The following PLK2 variants were observed in gnomAD, a reference collection of about 807,000 sequenced individuals.
PLK2 encodes the protein polo like kinase 2, also known as serine/threonine-protein kinase PLK2.
A neutral mutation model predicts 78.1 loss-of-function variants in PLK2; 25 were observed. That is an observed-to-expected ratio of 0.32 (90% confidence interval 0.23 to 0.45). The LOEUF (loss-of-function observed/expected upper bound fraction) is 0.45. Ranked by LOEUF, PLK2 falls within the 20% of genes least tolerant of loss-of-function variation. The pLI is 1.00. For synonymous variants in PLK2, 332 were observed against 298.2 expected (o/e 1.11, Z -1.17); for missense variants, 566 against 840.2 (o/e 0.67, Z 4.04).
At position 58,458,189 on chromosome 5, in the gene PLK2, C is replaced by T. The variant is rs748988575; in HGVS notation, c.626-18G>A. 8.5e-6 allele frequency: 13 copies of T among 1,537,950 alleles called. No homozygotes were observed. Among genetic ancestry groups the T allele is most frequent in the African/African-American group, 1.4e-5 (1 of 73,176 alleles). On this transcript the variant is annotated intron_variant, in intron 4 of 13. Transcript: ENST00000274289. ...AAAGTTCCCTAGACGATAAACAAAA[C>T]AAAATGTGAATCCCTTTGAAAATGC...
rs1561216397 is a variant in PLK2, at chr5:58,457,172, T to TGG, written c.1008+8_1008+9insCC. The TGG allele has an allele frequency of 1.2e-6, 2 of 1,611,358 alleles. No individual in the cohort carries two copies. Among genetic ancestry groups the TGG allele is most frequent in the Admixed American group, 3.3e-5 (2 of 59,914 alleles). ...CCAGGTAATTAAAAAAAAAAGATAGTGCACCAACCTGCAAAAAAAAGTCAT... is the reference window on the plus strand; with the variant it reads ...CCAGGTAATTAAAAAAAAAAGATAGTGGGCACCAACCTGCAAAAAAAAGTCAT... On this transcript the variant is annotated intron_variant, in intron 7 of 13. Coordinates refer to ENST00000274289, the MANE Select transcript of PLK2 (RefSeq NM_006622.4).
Position 58,460,055 on chromosome 5 carries a change from G to C in PLK2, c.-96C>G, listed in dbSNP as rs562821682. On this transcript the variant is annotated 5_prime_UTR_variant, in exon 1 of 14. Coordinates refer to ENST00000274289, the MANE Select transcript of PLK2 (RefSeq NM_006622.4). ...TCCTCGCACCCTTGCCTCTGGTGCC[G>C]ACTAGCACCCAACACCCCGGTCCAC... 5.3e-5 allele frequency: 73 copies of C among 1,386,630 alleles called. No homozygotes were observed. In the South Asian group the frequency reaches 7.5e-4, roughly 14 times the overall value. 85.9% of individuals were successfully genotyped at this position (1,386,630 alleles called of 1,614,324 possible).
Position 58,456,604 on chromosome 5 carries a change from A to C in PLK2, c.1157-15T>G, listed in dbSNP as rs372171951. 2.2e-5 allele frequency: 31 copies of C among 1,413,700 alleles called. No individual in the cohort carries two copies. Among genetic ancestry groups the C allele is most frequent in the South Asian group, 3.5e-5 (3 of 85,378 alleles). 87.6% of individuals were successfully genotyped at this position (1,413,700 alleles called of 1,614,324 possible). On this transcript the variant is annotated splice_polypyrimidine_tract_variant and intron_variant, in intron 8 of 13. Coordinates refer to ENST00000274289, the MANE Select transcript of PLK2 (RefSeq NM_006622.4). ...AGACACTCTATCTGTATATCAAGAAACAGAATTACAAACATTAGTCTATCT... is the reference window on the plus strand; with the variant it reads ...AGACACTCTATCTGTATATCAAGAACCAGAATTACAAACATTAGTCTATCT...
chr5:58,454,126 T>A lies in PLK2; in HGVS notation c.*457A>T, dbSNP rs538566581. ...GAATGCACTTTTCCAGCCACAAGTA[T>A]CTTCAAAAATTAATGAAAAAAAATT... On this transcript the variant is annotated 3_prime_UTR_variant, in exon 14 of 14. Transcript: ENST00000274289. The A allele has an allele frequency of 6.5e-6, 1 of 153,484 alleles. No individual in the cohort carries two copies. Among genetic ancestry groups the A allele is most frequent in the South Asian group, 2.1e-4 (1 of 4,838 alleles). 9.5% of individuals were successfully genotyped at this position (153,484 alleles called of 1,614,324 possible).
chr5:58,455,718 A>G lies in PLK2; in HGVS notation c.1446T>C (p.Cys482=). 1 of 1,614,158 alleles carries G rather than the reference A, an allele frequency of 6.2e-7. No homozygotes were observed. Among genetic ancestry groups the G allele is most frequent in the East Asian group, 2.2e-5 (1 of 44,882 alleles). The part of the protein sequence containing the change: ...ADTVARVLRG[C]LENMPEADCI... The stretch of plus-strand genomic sequence containing the variant: ...AATCAGCTTCCGGCATGTTTTCCAG[A>G]CATCCCCGAAGAACCCTTGCCACTG... Residue 482 remains cysteine (C), a synonymous_variant, in exon 11 of 14, where the codon TGT becomes TGC. Transcript: ENST00000274289.
rs754678516 is a variant in PLK2 at position 58,459,917 on chromosome 5, T to C, written c.43A>G (p.Thr15Ala). Residue 15 changes from threonine (T) to alanine (A), a missense_variant, in exon 1 of 14, where the codon ACC (threonine) becomes GCC (alanine). Physicochemically the swap from Thr to Ala is moderately conservative, Grantham distance 58 (BLOSUM62 0). Around this residue, in one of 5 missense-constraint regions of PLK2, gnomAD observed 127 missense variants for 122.5 expected, o/e 1.04. Transcript: ENST00000274289. ...CCCAGCGCCTGCTCGCACATTTTGG[T>C]GCTGGCGGCTGGCTGGTAGGTGATA... Reference protein sequence around the residue: ...RTITYQPAASTKMCEQALGKG... With the variant: ...RTITYQPAASAKMCEQALGKG... The C allele has an allele frequency of 6.2e-7, 1 of 1,611,738 alleles. No homozygotes were observed. Among genetic ancestry groups the C allele is most frequent in the Non-Finnish European group, 8.5e-7 (1 of 1,179,478 alleles).
chr5:58,456,292 T>C, intron 9 of PLK2, 137 bp from the exon 10 acceptor site: 1 of 874,248 alleles, frequency 1.1e-6, no homozygotes, highest in Non-Finnish European at 1.8e-6. Flanking sequence ...AGATAAAAGA[T>C]AACGCAGTAA....
chr5:58,459,815 C>T lies in PLK2; in HGVS notation c.145G>A (p.Ala49Thr), dbSNP rs144564763. ...PEESQPPQSQ[A>T]QVPPAAPHHH... ...TGAGGGGCCGCCGGGGGCACTTGCG[C>T]CTGGGACTGAGGTGGCTGCGATTCC... Residue 49 changes from alanine (A) to threonine (T), a missense_variant, in exon 1 of 14, where the codon GCG becomes ACG. Coordinates refer to ENST00000274289, the MANE Select transcript of PLK2 (RefSeq NM_006622.4). 2 of 1,609,524 alleles carry T rather than the reference C, an allele frequency of 1.2e-6. No individual in the cohort carries two copies. The highest frequency in any genetic ancestry group is 1.7e-5 in the Admixed American group (1 of 59,984).
chr5:58,457,802 G>C, intron 5 of PLK2: 1 of 591,670 alleles, frequency 1.7e-6, no homozygotes, highest in East Asian at 2.8e-5. Context: ...CGTTGTTTTA[G>C]CCCACATGCA....
chr5:58,456,128 C>T lies in PLK2; in HGVS notation c.1282G>A (p.Ala428Thr), dbSNP rs1316474139. The T allele has an allele frequency of 1.2e-6, 2 of 1,613,800 alleles. No homozygotes were observed. The highest frequency in any genetic ancestry group is 1.7e-6 in the Non-Finnish European group (2 of 1,179,960). ...TCTACTGCGGGTGTTCCAGACCTGG[C>T]AACTGTGGTGGTAGGTGGCTGGAGC... Reference protein sequence around the residue: ...EELQPPTTTVARSGTPAVENK... With the variant: ...EELQPPTTTVTRSGTPAVENK... The change falls in exon 10 of 14, where the codon GCC (alanine) becomes ACC (threonine). Residue 428 changes from alanine to threonine, a missense_variant. Around this residue, in one of 5 missense-constraint regions of PLK2, gnomAD observed 129 missense variants for 156.0 expected, o/e 0.83. Coordinates refer to ENST00000274289, the MANE Select transcript of PLK2 (RefSeq NM_006622.4).
Position 58,460,025 on chromosome 5 carries a change from C to A in PLK2, c.-66G>T. Reference sequence around the variant, plus strand: ...GGCGCGGTCACACGTCCGAGCCGGCCGTGGTCCTCGCACCCTTGCCTCTGG... The same window carrying A: ...GGCGCGGTCACACGTCCGAGCCGGCAGTGGTCCTCGCACCCTTGCCTCTGG... On this transcript the variant is annotated 5_prime_UTR_variant, in exon 1 of 14. Transcript: ENST00000274289. 1.3e-6 allele frequency: 2 copies of A among 1,518,890 alleles called. No individual in the cohort carries two copies. The highest frequency in any genetic ancestry group is 8.8e-7 in the Non-Finnish European group (1 of 1,134,292). The allele number at this position is 1,518,890 out of a possible 1,614,324, so 94.1% of individuals were successfully genotyped here. A position where few individuals can be genotyped will look rare whatever the true frequency, so the allele number is the denominator to read the frequency against.
chr5:58,459,822 C>A lies in PLK2; in HGVS notation c.138G>T (p.Gln46His). Residue 46 changes from glutamine to histidine, a missense_variant, in exon 1 of 14, where the codon CAG (glutamine) becomes CAT (histidine). Gln to His is a conservative substitution (Grantham distance 24). This residue lies in a region of PLK2 where 127 missense variants were observed against 122.5 expected (regional missense o/e 1.04). Coordinates refer to ENST00000274289, the MANE Select transcript of PLK2 (RefSeq NM_006622.4). Reference protein sequence around the residue: ...PQPPEESQPPQSQAQVPPAAP... With the variant: ...PQPPEESQPPHSQAQVPPAAP... ...CCGCCGGGGGCACTTGCGCCTGGGA[C>A]TGAGGTGGCTGCGATTCCTCGGGGG... The A allele has an allele frequency of 6.2e-7, 1 of 1,610,076 alleles. No individual in the cohort carries two copies. The highest frequency in any genetic ancestry group is 8.5e-7 in the Non-Finnish European group (1 of 1,179,840).
In PLK2 at chr5:58,459,730, G is replaced by C; in HGVS notation, c.230C>G (p.Thr77Arg). 1 of 1,604,678 alleles carries C rather than the reference G, an allele frequency of 6.2e-7. No individual in the cohort carries two copies. The highest frequency in any genetic ancestry group is 8.5e-7 in the Non-Finnish European group (1 of 1,177,460). Residue 77 changes from threonine to arginine, a missense_variant, in exon 1 of 14, where the codon ACG becomes AGG. Coordinates refer to ENST00000274289, the MANE Select transcript of PLK2 (RefSeq NM_006622.4). ...GCCCCGGCAGTAGCGCTTCCCAGTC[G>C]TGGGGTCGACGATAATCCGCGAGAT... The part of the protein sequence containing the change: ...PEISRIIVDP[T>R]TGKRYCRGKV...
chr5:58,456,988 A>G lies in PLK2; in HGVS notation c.1113T>C (p.Leu371=), dbSNP rs1579964633. The G allele has an allele frequency of 6.2e-7, 1 of 1,612,136 alleles. No homozygotes were observed. Among genetic ancestry groups the G allele is most frequent in the Non-Finnish European group, 8.5e-7 (1 of 1,179,058 alleles). ...KNFFKKAAAA[L]FGGKKDKARY... ...TTGCTTTGTCTTTTTTGCCACCAAA[A>G]AGAGCAGCAGCTGCTTTCTTAAAGA... Residue 371 remains leucine (L), a synonymous_variant, in exon 8 of 14, where the codon CTT becomes CTC. Transcript: ENST00000274289.
chr5:58,454,229 C>T lies in PLK2; in HGVS notation c.*354G>A. On this transcript the variant is annotated 3_prime_UTR_variant, in exon 14 of 14. Coordinates refer to ENST00000274289, the MANE Select transcript of PLK2 (RefSeq NM_006622.4). ...CTTTAAACAACATGGGAGCTTCCTC[C>T]CTTCTCCCTCCCCTTCAGGAAGTAT... is the stretch of plus-strand genomic sequence containing the variant. The T allele has an allele frequency of 5.6e-6, 1 of 179,666 alleles. No individual in the cohort carries two copies. The highest frequency in any genetic ancestry group is 1.2e-5 in the Non-Finnish European group (1 of 86,326). 11.1% of individuals were successfully genotyped at this position (179,666 alleles called of 1,614,324 possible).
intron 8 of PLK2, 41 bp from the exon 9 acceptor site, chr5:58,456,630 T>C (rs766090786): frequency 1.6e-6 from 2 of 1,244,220 alleles, no homozygotes; most frequent in African/African-American, 1.5e-5. Flanking sequence ...TAGTCTATCT[T>C]AACAAGGTAG....
chr5:58,458,760 T>G lies in PLK2; in HGVS notation c.460A>C (p.Asn154His), dbSNP rs1743676364. Residue 154 changes from asparagine (N) to histidine (H), a missense_variant, in exon 3 of 14, where the codon AAC becomes CAC. Asn to His is a moderately conservative substitution (Grantham distance 68). Transcript: ENST00000274289. Reference sequence around the variant, plus strand: ...CAGTATTCCAAGAGAATGTAAATGTTTTCTTTGTCCTCGAAGTAGTGGTAA... The same window carrying G: ...CAGTATTCCAAGAGAATGTAAATGTGTTCTTTGTCCTCGAAGTAGTGGTAA... ...QFYHYFEDKE[N>H]IYILLEYCSR... is the part of the protein sequence containing the mutation. 6.3e-7 allele frequency: 1 copy of G among 1,593,012 alleles called. No individual in the cohort carries two copies. Among genetic ancestry groups the G allele is most frequent in the Non-Finnish European group, 8.6e-7 (1 of 1,160,830 alleles).
Position 58,454,946 on chromosome 5 carries a change from C to T in PLK2, c.1831G>A (p.Ala611Thr). 6.2e-7 allele frequency: 1 copy of T among 1,612,416 alleles called. No homozygotes were observed. Among genetic ancestry groups the T allele is most frequent in the East Asian group, 2.2e-5 (1 of 44,868 alleles). The change falls in exon 13 of 14, where the codon GCC becomes ACC. Residue 611 changes from alanine (A) to threonine (T), a missense_variant. This residue lies in a region of PLK2 where 130 missense variants were observed against 196.4 expected (regional missense o/e 0.66). Transcript: ENST00000274289. ...YLLQWLKSDK[A>T]LMMLFNDGTF... is the part of the protein sequence containing the mutation. ...CCATCATTAAAGAGCATCATTAGGG[C>T]CTTATCAGATTTTAGCCACTGAAGG...
chr5:58,454,395 T>C lies in PLK2; in HGVS notation c.*188A>G, dbSNP rs1335992642. The C allele has an allele frequency of 2.0e-6, 1 of 488,962 alleles. No homozygotes were observed. Among genetic ancestry groups the C allele is most frequent in the Non-Finnish European group, 3.6e-6 (1 of 275,908 alleles). The allele number at this position is 488,962 out of a possible 1,614,324, so 30.3% of individuals were successfully genotyped here. A position where few individuals can be genotyped will look rare whatever the true frequency, so the allele number is the denominator to read the frequency against. On this transcript the variant is annotated 3_prime_UTR_variant, in exon 14 of 14. Transcript: ENST00000274289. ...AACTGCATTCTGGTTCACTCTTGGA[T>C]TGTCCAAAGTCAAGAACTGTATGCC...
Sources: gnomAD v4.1 joint callset for allele counts on GRCh38, gnomAD v4.1.1 for gene constraint, gnomAD v4.1.1 regional missense constraint, MANE v1.5 for transcripts, NCBI Gene and HGNC (gene_info 2026-07-23, HGNC 2026-07-21) for gene names.